Variants in MBD5 observed in about 807,000 individuals in gnomAD.
MBD5 encodes methyl-CpG binding domain protein 5.
A neutral mutation model predicts 117.3 loss-of-function variants in MBD5; 13 were observed. The observed-to-expected ratio is 0.11, with a 90% confidence interval of 0.07 to 0.18. The LOEUF is 0.18. MBD5 is among the 10% of genes least tolerant of loss of function. MBD5 has a pLI of 1.00. For synonymous variants in MBD5, 727 were observed against 766.4 expected (o/e 0.95, Z 0.85); for missense variants, 1,879 against 2,093.8 (o/e 0.90, Z 2.00).
intron 1 of MBD5, among the ~76,000 whole-genome samples, chr2:148,135,888 A>G (rs530872245): frequency 2.6e-5 from 4 of 152,160 alleles, no homozygotes; most frequent in Admixed American, 2.6e-4. Flanking sequence ...ACTTTCAGCA[A>G]AGGCGAAGAC....
At chr2:148,200,609 C>T (rs956145269) in intron 2 of MBD5, among the ~76,000 whole-genome samples, 3 of 150,710 alleles carry the variant, frequency 2.0e-5, no homozygotes, top group Admixed American at 6.6e-5. Flanking sequence ...GGGAGAATGG[C>T]GTGAGCCTAG....
chr2:148,354,314 G>A (rs1002243025), intron 4 of MBD5, among the ~76,000 whole-genome samples: 1 of 151,126 alleles, frequency 6.6e-6, no homozygotes, highest in African/African-American at 2.4e-5. Flanking sequence ...CCCTCCCTGT[G>A]TCCATGTGTT....
At chr2:148,205,179 C>T (rs971586440) in intron 2 of MBD5, among the ~76,000 whole-genome samples, 4 of 152,076 alleles carry the variant, frequency 2.6e-5, no homozygotes, top group African/African-American at 7.2e-5. Flanking sequence ...CAGGTTCAAG[C>T]GATTCTCCTG....
chr2:148,462,343 A>G (rs1707114871), intron 5 of MBD5, among the ~76,000 whole-genome samples: 1 of 152,120 alleles, frequency 6.6e-6, no homozygotes, highest in Non-Finnish European at 1.5e-5. Context: ...TTTTCAGAAT[A>G]CTTTTATTTA....
chr2:148,046,820 G>A (rs148406419), intron 1 of MBD5, among the ~76,000 whole-genome samples: 13 of 152,110 alleles, frequency 8.5e-5, no homozygotes, highest in Admixed American at 2.6e-4. Context: ...ACCTGGTTAT[G>A]TCACTACCCT....
intron 1 of MBD5, among the ~76,000 whole-genome samples, chr2:148,113,691 A>AT (rs1043899140): frequency 2.6e-5 from 4 of 152,108 alleles, no homozygotes; most frequent in Middle Eastern, 6.8e-3. Flanking sequence ...TTTCAACTCC[A>AT]TTTTTTTTCC....
chr2:148,051,775 G>T (rs1694711358), intron 1 of MBD5, among the ~76,000 whole-genome samples: 1 of 152,028 alleles, frequency 6.6e-6, no homozygotes, highest in East Asian at 1.9e-4. Context: ...GTATTTTGTT[G>T]AGTATTCTTG....
chr2:148,443,685 C>T (rs1706401472), intron 4 of MBD5, among the ~76,000 whole-genome samples: 1 of 150,716 alleles, frequency 6.6e-6, no homozygotes, highest in Non-Finnish European at 1.5e-5. Flanking sequence ...GAGCTAAAAA[C>T]TAAAATAATT....
chr2:148,501,729 A>G (rs549038153), intron 11 of MBD5, among the ~76,000 whole-genome samples: 10 of 152,166 alleles, frequency 6.6e-5, no homozygotes, highest in Non-Finnish European at 1.2e-4. Flanking sequence ...AGCTGACCAC[A>G]CACAGACTGG....
At chr2:148,095,963 GAT>G (rs1399790368) in intron 1 of MBD5, among the ~76,000 whole-genome samples, 1 of 152,030 alleles carries the variant, frequency 6.6e-6, no homozygotes, top group Non-Finnish European at 1.5e-5. Flanking sequence ...AGTTAAAAGT[GAT>G]ATTATTAATT....
At chr2:148,075,221 G>A (rs184463724) in intron 1 of MBD5, among the ~76,000 whole-genome samples, 1 of 152,198 alleles carries the variant, frequency 6.6e-6, no homozygotes. Flanking sequence ...TGACAGGGCT[G>A]TAAGGGAGAA....
chr2:148,104,878 A>G (rs1397198750), intron 1 of MBD5, among the ~76,000 whole-genome samples: 1 of 152,166 alleles, frequency 6.6e-6, no homozygotes, highest in African/African-American at 2.4e-5. Context: ...CTCATGAGAT[A>G]TTTAATGCTT....
intron 3 of MBD5, among the ~76,000 whole-genome samples, chr2:148,339,907 A>C (rs898836590): frequency 6.6e-6 from 1 of 152,166 alleles, no homozygotes; most frequent in African/African-American, 2.4e-5. Context: ...TGTCTTGTGC[A>C]TAACTATACC....
chr2:148,056,420 C>T (rs770119503), intron 1 of MBD5, among the ~76,000 whole-genome samples: 3 of 151,930 alleles, frequency 2.0e-5, no homozygotes, highest in South Asian at 2.1e-4. Context: ...AAAAGGAATA[C>T]GTTCCAGGTG....
chr2:148,226,574 C>T (rs1160563688), intron 2 of MBD5, among the ~76,000 whole-genome samples: 2 of 152,042 alleles, frequency 1.3e-5, no homozygotes, highest in Non-Finnish European at 2.9e-5. Flanking sequence ...AATAAACATA[C>T]GTGTGCATGT....
chr2:148,187,952 A>G (rs532691283), intron 2 of MBD5, among the ~76,000 whole-genome samples: 7 of 152,346 alleles, frequency 4.6e-5, no homozygotes, highest in African/African-American at 1.4e-4. Context: ...ATAAAAATGA[A>G]TATTTTGTTA....
At chr2:148,180,343 CATATATAT>C (rs70992196) in intron 2 of MBD5, among the ~76,000 whole-genome samples, 1,812 of 105,542 alleles carry the variant, frequency 0.017, 62 homozygotes, top group African/African-American at 0.061. Flanking sequence ...AAAAATTATA[CATATATAT>C]ATATATATAT....
intron 4 of MBD5, among the ~76,000 whole-genome samples, chr2:148,355,520 G>A (rs562242842): frequency 1.3e-5 from 2 of 151,986 alleles, no homozygotes; most frequent in African/African-American, 4.8e-5. Flanking sequence ...TTTCCCAACA[G>A]CATTATTAAA....
At chr2:148,079,692 A>G (rs1695595424) in intron 1 of MBD5, among the ~76,000 whole-genome samples, 1 of 151,948 alleles carries the variant, frequency 6.6e-6, no homozygotes, top group African/African-American at 2.4e-5. Flanking sequence ...CCCCGTCTCT[A>G]CTAAATATAC....
Sources: allele counts gnomAD v4.1 joint callset (sites outside exome capture counted in the v4.1 genomes callset), GRCh38; gene constraint gnomAD v4.1.1; transcripts MANE v1.5; gene names NCBI Gene and HGNC (gene_info 2026-07-23, HGNC 2026-07-21).